The following CLIP1 variants were observed in gnomAD, a reference collection of about 807,000 sequenced individuals.
CLIP1 encodes the protein CAP-Gly domain-containing linker protein 1.
A neutral mutation model predicts 161.6 loss-of-function variants in CLIP1; 66 were observed. The observed-to-expected ratio is 0.41, with a 90% CI of 0.33 to 0.50. CLIP1 has a LOEUF of 0.50. Ranked by LOEUF, CLIP1 falls within the 20% of genes least tolerant of loss-of-function variation. The pLI is 0.27. For synonymous variants in CLIP1, 598 were observed against 626.2 expected, an observed-to-expected ratio of 0.96 and a Z score of 0.67; for missense variants, 1,376 against 1,702.0, an observed-to-expected ratio of 0.81 and a Z score of 3.37.
chr12:122,315,658 T>TTTTTTG (rs1951233436), intron 19 of CLIP1, among the ~76,000 whole-genome samples: 1 of 151,804 alleles, frequency 6.6e-6, no homozygotes, highest in Non-Finnish European at 1.5e-5. Flanking sequence ...TTTTTTTTTT[T>TTTTTTG]GAGATGGAGT....
chr12:122,282,577 G>A (rs1658186696), intron 21 of CLIP1, among the ~76,000 whole-genome samples: 2 of 152,142 alleles, frequency 1.3e-5, no homozygotes, highest in South Asian at 4.1e-4. Flanking sequence ...GAACCATGAA[G>A]AGAAACGCAA....
intron 1 of CLIP1, among the ~76,000 whole-genome samples, chr12:122,419,528 G>A (rs968630586): frequency 6.6e-6 from 1 of 152,004 alleles, no homozygotes; most frequent in Admixed American, 6.6e-5. Flanking sequence ...GAAGAACCAG[G>A]TGCCCAGTAT....
At position 122,410,385 on chromosome 12, in the gene CLIP1, C is replaced by G. The variant is rs577071279; in HGVS notation, c.-107+12136G>C. Reference sequence around the variant, plus strand: ...AATGGTAACATACCATTGTTCTATACTTTGCCTTTGTAAAGTTATATTTAT... The same window carrying G: ...AATGGTAACATACCATTGTTCTATAGTTTGCCTTTGTAAAGTTATATTTAT... On this transcript the variant is annotated intron_variant, in intron 1 of 25. Transcript: ENST00000620786. 1.1e-4 allele frequency among the ~76,000 whole-genome samples: 13 copies of G among 116,038 alleles called. No homozygotes were observed. The East Asian group carries it at 1.2e-3, about 11-fold the overall frequency. The allele number at this position is 116,038 out of a possible 152,430, so 76.1% of individuals were successfully genotyped here. A position where few individuals can be genotyped will look rare whatever the true frequency, so the allele number is the denominator to read the frequency against.
At chr12:122,331,704 AT>A (rs1427254155) in intron 15 of CLIP1, among the ~76,000 whole-genome samples, 2 of 152,206 alleles carry the variant, frequency 1.3e-5, no homozygotes, top group East Asian at 3.9e-4. Flanking sequence ...TCCTATTAAA[AT>A]AAGTTCAGGC....
intron 1 of CLIP1, among the ~76,000 whole-genome samples, chr12:122,408,925 C>A (rs183834608): frequency 7.8e-4 from 119 of 152,224 alleles, no homozygotes; most frequent in African/African-American, 2.6e-3. Context: ...GATTCTCCTG[C>A]GTCAGCCTCC....
intron 20 of CLIP1, among the ~76,000 whole-genome samples, chr12:122,306,731 G>A (rs1950887246): frequency 6.6e-6 from 1 of 152,070 alleles, no homozygotes; most frequent in Non-Finnish European, 1.5e-5. Flanking sequence ...AAGATTCTGG[G>A]ATGCACTGGG....
chr12:122,287,052 G>T (rs1955886864), intron 21 of CLIP1, among the ~76,000 whole-genome samples: 3 of 151,866 alleles, frequency 2.0e-5, no homozygotes. Flanking sequence ...CATGCCTGTA[G>T]TCCCAGCCAC....
Position 122,355,486 on chromosome 12 carries a change from G to A in CLIP1, c.1006-174C>T, listed in dbSNP as rs997512503. 19 of 602,412 alleles carry A rather than the reference G, an allele frequency of 3.2e-5. No individual in the cohort carries two copies. In the African/African-American group the frequency reaches 3.3e-4, roughly 11 times the overall value. The allele number at this position is 602,412 out of a possible 1,614,324, so 37.3% of individuals were successfully genotyped here. A position where few individuals can be genotyped will look rare whatever the true frequency, so the allele number is the denominator to read the frequency against. ...AAACACAAGACAGTGTGTGCCTTCT[G>A]TCTATAAATCTCACAAAGAATACAT... On this transcript the variant is annotated intron_variant, in intron 5 of 25. Transcript: ENST00000620786. This position sits in a 1 kb window ranked among gnomAD's most constrained non-coding sequence, Gnocchi z 4.1.
chr12:122,289,167 C>T (rs556428912), intron 20 of CLIP1, among the ~76,000 whole-genome samples: 1 of 151,268 alleles, frequency 6.6e-6, no homozygotes, highest in East Asian at 2.0e-4. Context: ...CGCGGTGGCT[C>T]ACACCTGTAA....
chr12:122,361,082 G>A lies in CLIP1; in HGVS notation c.882C>T (p.Asn294=), dbSNP rs111985493. The A allele has an allele frequency of 2.0e-5, 33 of 1,614,140 alleles. No individual in the cohort carries two copies. The highest frequency in any genetic ancestry group is 1.5e-4 in the African/African-American group (11 of 74,948). Reference sequence around the variant, plus strand: ...TGGTCGCCATCACTCGCCTCACTGCGTTGGCCTTGGCTTTGGCTGGTGTAG... The same window carrying A: ...TGGTCGCCATCACTCGCCTCACTGCATTGGCCTTGGCTTTGGCTGGTGTAG... ...PSTTPAKAKA[N]AVRRVMATTS... is the part of the protein sequence containing the mutation. The change falls in exon 5 of 26, where the codon AAC becomes AAT. Residue 294 remains asparagine (N), a synonymous_variant. Transcript: ENST00000620786.
At chr12:122,285,855 GT>G (rs112264207) in intron 21 of CLIP1, among the ~76,000 whole-genome samples, 30 of 147,600 alleles carry the variant, frequency 2.0e-4, no homozygotes, top group African/African-American at 6.5e-4. Context: ...TTACATAAGG[GT>G]TTTTTTTTTA....
chr12:122,343,736 A>T (rs1952617487), intron 10 of CLIP1: 1 of 152,194 alleles, frequency 6.6e-6, no homozygotes, highest in African/African-American at 2.4e-5. Flanking sequence ...CTAGAAAAAC[A>T]CTTTCTTAAC....
intron 24 of CLIP1, chr12:122,275,642 G>GCACACACACACACACACACACA (rs1391112059): frequency 9.1e-6 from 1 of 109,982 alleles, no homozygotes; most frequent in Non-Finnish European, 1.8e-5. Context: ...ACACACACAC[G>GCACACACACACACACACACACA]CGCACACACA....
chr12:122,397,947 G>A (rs757811896), intron 1 of CLIP1, among the ~76,000 whole-genome samples: 5 of 140,266 alleles, frequency 3.6e-5, no homozygotes, highest in Admixed American at 3.1e-4. Context: ...AGAGTGAGAC[G>A]CCGTCTCAAA....
Position 122,272,643 on chromosome 12 carries a change from A to C in CLIP1, c.*232T>G, listed in dbSNP as rs1955221895. 1.9e-6 allele frequency: 1 copy of C among 513,278 alleles called. No individual in the cohort carries two copies. The highest frequency in any genetic ancestry group is 3.3e-5 in the East Asian group (1 of 30,190). The allele number at this position is 513,278 out of a possible 1,614,324, so 31.8% of individuals were successfully genotyped here. A position where few individuals can be genotyped will look rare whatever the true frequency, so the allele number is the denominator to read the frequency against. On this transcript the variant is annotated 3_prime_UTR_variant, in exon 26 of 26. Transcript: ENST00000620786. ...TCTGGTGCAATGTCTTCAAACGTAAAAATCAAGAAAACAAAATTCGAGGTG... is the reference window on the plus strand; with the variant it reads ...TCTGGTGCAATGTCTTCAAACGTAACAATCAAGAAAACAAAATTCGAGGTG...
chr12:122,338,249 A>G (rs1225167526), intron 11 of CLIP1, among the ~76,000 whole-genome samples: 1 of 152,194 alleles, frequency 6.6e-6, no homozygotes, highest in Non-Finnish European at 1.5e-5. Context: ...GAAGCAGGAG[A>G]ATCCCTTGAG....
intron 3 of CLIP1, among the ~76,000 whole-genome samples, chr12:122,370,452 G>C (rs1954391024): frequency 6.6e-6 from 1 of 152,170 alleles, no homozygotes; most frequent in South Asian, 2.1e-4. Context: ...ATGAATTGCA[G>C]AGCATTAAAC....
At chr12:122,365,943 A>G (rs1954141613) in intron 3 of CLIP1, among the ~76,000 whole-genome samples, 1 of 151,934 alleles carries the variant, frequency 6.6e-6, no homozygotes, top group Non-Finnish European at 1.5e-5. Context: ...CAAGGGTTTG[A>G]GGCTGCAGTG....
intron 1 of CLIP1, among the ~76,000 whole-genome samples, chr12:122,405,982 G>A (rs1400348519): frequency 1.3e-5 from 2 of 151,528 alleles, no homozygotes; most frequent in Non-Finnish European, 2.9e-5. Context: ...CAGGAGAATC[G>A]CTTGAATCCG....
Sources: gnomAD v4.1 joint callset for allele counts (sites outside exome capture counted in the v4.1 genomes callset) on GRCh38, gnomAD v4.1.1 for gene constraint, Gnocchi (gnomAD v3.1) non-coding constraint, MANE v1.5 for transcripts, NCBI Gene and HGNC (gene_info 2026-07-23, HGNC 2026-07-21) for gene names.